CNTN4: variants seen among roughly 807,000 people sequenced by gnomAD.
CNTN4 encodes contactin 4.
Under a neutral mutation model 122.5 loss-of-function variants are expected in CNTN4, and 77 were observed. That is an observed-to-expected ratio of 0.63 (90% CI 0.52 to 0.76). CNTN4 has a LOEUF of 0.76. Ranked by LOEUF, CNTN4 falls within the 30% of genes least tolerant of loss-of-function variation. CNTN4 has a pLI of 0.00. For synonymous variants in CNTN4, 512 were observed against 447.0 expected (o/e 1.15, Z -1.83); for missense variants, 1,256 against 1,259.1 (o/e 1.00, Z 0.04).
intron 7 of CNTN4, among the ~76,000 whole-genome samples, chr3:2,844,133 C>T (rs2150553854): frequency 6.6e-6 from 1 of 152,322 alleles, no homozygotes; most frequent in East Asian, 1.9e-4. Context: ...GTGAGTCCCC[C>T]AGATACCTCG....
chr3:2,638,602 A>G (rs1156754146), intron 4 of CNTN4, among the ~76,000 whole-genome samples: 1 of 152,170 alleles, frequency 6.6e-6, no homozygotes, highest in Admixed American at 6.6e-5. Context: ...TCACAACTCA[A>G]AAACTGTATC....
chr3:2,312,710 T>A (rs951558422), intron 2 of CNTN4, among the ~76,000 whole-genome samples: 5 of 152,118 alleles, frequency 3.3e-5, no homozygotes, highest in Non-Finnish European at 5.9e-5. Context: ...ACACAGCTTT[T>A]GAAAAAAATA....
chr3:2,554,752 G>T (rs1470280048), intron 3 of CNTN4, among the ~76,000 whole-genome samples: 2 of 152,070 alleles, frequency 1.3e-5, no homozygotes, highest in Non-Finnish European at 2.9e-5. Flanking sequence ...TTAGACTTTC[G>T]GCCTTTGGGT....
At chr3:2,122,140 G>A (rs1158510056) in intron 2 of CNTN4, among the ~76,000 whole-genome samples, 1 of 146,322 alleles carries the variant, frequency 6.8e-6, no homozygotes, top group Non-Finnish European at 1.5e-5. Flanking sequence ...GGGCGACAGA[G>A]CGACACTCCA....
chr3:2,123,053 T>C (rs1338003754), intron 2 of CNTN4, among the ~76,000 whole-genome samples: 1 of 152,222 alleles, frequency 6.6e-6, no homozygotes, highest in Non-Finnish European at 1.5e-5. Context: ...CAGGACAGTA[T>C]GTTCTTGACT....
chr3:2,375,436 G>A (rs1025610409), intron 3 of CNTN4, among the ~76,000 whole-genome samples: 16 of 152,062 alleles, frequency 1.1e-4, no homozygotes, highest in Admixed American at 9.2e-4. Flanking sequence ...TATTACGGTG[G>A]CCCTATTTTC....
At chr3:2,573,144 G>T (rs1411940215) in intron 4 of CNTN4, among the ~76,000 whole-genome samples, 1 of 152,118 alleles carries the variant, frequency 6.6e-6, no homozygotes, top group African/African-American at 2.4e-5. Flanking sequence ...ATAGCGTATG[G>T]TCTTTTAGTT....
intron 14 of CNTN4, among the ~76,000 whole-genome samples, chr3:2,997,795 G>A (rs1305558601): frequency 6.6e-6 from 1 of 152,190 alleles, no homozygotes; most frequent in African/African-American, 2.4e-5. Flanking sequence ...GGAAATGTAA[G>A]CAGAACATTT....
chr3:2,816,257 G>T (rs2150200171), intron 6 of CNTN4, among the ~76,000 whole-genome samples: 1 of 148,746 alleles, frequency 6.7e-6, no homozygotes, highest in African/African-American at 2.6e-5. Flanking sequence ...GGGAGGCTGA[G>T]GCAGGAGAAT....
At chr3:3,004,587 T>G (rs76881430) in intron 14 of CNTN4, among the ~76,000 whole-genome samples, 5,094 of 152,334 alleles carry the variant, frequency 0.033, 118 homozygotes, top group East Asian at 0.13. Flanking sequence ...ATCTCGACAT[T>G]ACCACCTATA....
At chr3:2,710,701 A>G (rs2087092196) in intron 4 of CNTN4, among the ~76,000 whole-genome samples, 3 of 152,140 alleles carry the variant, frequency 2.0e-5, no homozygotes, top group African/African-American at 4.8e-5. Context: ...CACTTCTTTT[A>G]TCTAATTGAG....
chr3:2,802,687 C>T (rs536510169), intron 6 of CNTN4, among the ~76,000 whole-genome samples: 14 of 152,208 alleles, frequency 9.2e-5, no homozygotes, highest in South Asian at 4.1e-4. Context: ...ATTTCCCCTA[C>T]GGTTTAGCAG....
At chr3:2,846,825 C>CA (rs2093464675) in intron 7 of CNTN4, among the ~76,000 whole-genome samples, 1 of 152,044 alleles carries the variant, frequency 6.6e-6, no homozygotes, top group Admixed American at 6.6e-5. Context: ...GGGGAAACCC[C>CA]ATCTCTACTA....
At chr3:2,292,117 C>G (rs1163130755) in intron 2 of CNTN4, among the ~76,000 whole-genome samples, 2 of 152,106 alleles carry the variant, frequency 1.3e-5, no homozygotes, top group African/African-American at 4.8e-5. Context: ...TGTCTCATGC[C>G]CATTCCCTGT....
At chr3:2,285,211 A>G (rs1020477136) in intron 2 of CNTN4, among the ~76,000 whole-genome samples, 6 of 152,120 alleles carry the variant, frequency 3.9e-5, no homozygotes, top group African/African-American at 1.4e-4. Context: ...ATAAAGTACT[A>G]CAAGATGAGT....
chr3:3,042,746 G>A (rs981791883), intron 21 of CNTN4: 3 of 597,308 alleles, frequency 5.0e-6, no homozygotes, highest in Non-Finnish European at 8.9e-6. Context: ...AATAATGAAC[G>A]ACGGTTGTGT....
At chr3:2,343,618 G>A (rs2044289924) in intron 3 of CNTN4, among the ~76,000 whole-genome samples, 1 of 152,166 alleles carries the variant, frequency 6.6e-6, no homozygotes. Flanking sequence ...CTCTCACTAT[G>A]TGGAGTACAC....
At chr3:2,368,613 A>G (rs1440301820) in intron 3 of CNTN4, among the ~76,000 whole-genome samples, 2 of 152,096 alleles carry the variant, frequency 1.3e-5, no homozygotes, top group Non-Finnish European at 2.9e-5. Context: ...CCTATTAGGG[A>G]TGGTATTTGA....
At chr3:2,623,376 C>G (rs908768285) in intron 4 of CNTN4, among the ~76,000 whole-genome samples, 4 of 151,956 alleles carry the variant, frequency 2.6e-5, no homozygotes, top group Admixed American at 6.6e-5. Context: ...TATGGATCAC[C>G]GCACAGATAT....
Sources: allele counts gnomAD v4.1 joint callset (sites outside exome capture counted in the v4.1 genomes callset), GRCh38; gene constraint gnomAD v4.1.1; transcripts MANE v1.5; gene names NCBI Gene and HGNC (gene_info 2026-07-23, HGNC 2026-07-21).